Variants in LIMCH1 observed in about 807,000 individuals in gnomAD.
LIMCH1 encodes the protein LIM and calponin homology domains-containing protein 1.
LIMCH1 carries 113 observed loss-of-function variants against 176.5 expected under a neutral mutation model. The ratio of observed to expected loss-of-function variants is 0.64; its 90% confidence interval spans 0.55 to 0.75. The LOEUF is 0.75. LIMCH1 is among the 30% of genes least tolerant of loss of function. The probability of loss-of-function intolerance (pLI) is 0.00; values close to 1 mark genes in which losing one functional copy is unlikely to be tolerated. For synonymous variants in LIMCH1, 619 were observed against 645.9 expected (o/e 0.96, Z 0.63); for missense variants, 1,674 against 1,814.9 (o/e 0.92, Z 1.41).
intron 5 of LIMCH1, among the ~76,000 whole-genome samples, chr4:41,616,188 T>C (rs894461508): frequency 9.9e-5 from 15 of 151,932 alleles, no homozygotes; most frequent in African/African-American, 3.4e-4. Context: ...GGGAAACAAG[T>C]AATGAGAGAA....
intron 3 of LIMCH1, among the ~76,000 whole-genome samples, chr4:41,525,464 A>C (rs563778929): frequency 8.5e-5 from 13 of 152,174 alleles, no homozygotes; most frequent in Admixed American, 2.0e-4. Flanking sequence ...ACAAAAAACC[A>C]ATTGTGTTTG....
chr4:41,464,830 G>A (rs1219252887), intron 1 of LIMCH1, among the ~76,000 whole-genome samples: 1 of 152,138 alleles, frequency 6.6e-6, no homozygotes, highest in Admixed American at 6.5e-5. Flanking sequence ...CAAACCTTGC[G>A]CTTCTTGTGT....
intron 1 of LIMCH1, among the ~76,000 whole-genome samples, chr4:41,375,886 C>A (rs1453041): frequency 0.37 from 56,918 of 152,114 alleles, 11,572 homozygotes; most frequent in African/African-American, 0.54. Context: ...TTTGCTAATT[C>A]TTGGGCAGAT....
At chr4:41,693,212 T>C (rs1443074774) in intron 31 of LIMCH1, 1 of 152,334 alleles carries the variant, frequency 6.6e-6, no homozygotes, top group East Asian at 1.9e-4. Context: ...GAAACTCTTT[T>C]AAAAAATTGG....
intron 1 of LIMCH1, among the ~76,000 whole-genome samples, chr4:41,382,744 T>C (rs2055881413): frequency 6.6e-6 from 1 of 152,160 alleles, no homozygotes; most frequent in South Asian, 2.1e-4. Flanking sequence ...CTCAGGGAAG[T>C]CTTTTTGGTA....
intron 1 of LIMCH1, among the ~76,000 whole-genome samples, chr4:41,434,215 G>C (rs2061854901): frequency 6.6e-6 from 1 of 152,200 alleles, no homozygotes; most frequent in Non-Finnish European, 1.5e-5. Context: ...CTTAGGCTAG[G>C]AACTGGGTGG....
chr4:41,427,878 T>C (rs563014361), intron 1 of LIMCH1, among the ~76,000 whole-genome samples: 1 of 152,020 alleles, frequency 6.6e-6, no homozygotes, highest in African/African-American at 2.4e-5. Context: ...TACCACATTG[T>C]CTAGTCCTTA....
intron 1 of LIMCH1, among the ~76,000 whole-genome samples, chr4:41,383,890 G>A (rs1458828172): frequency 6.6e-6 from 1 of 152,190 alleles, no homozygotes; most frequent in Non-Finnish European, 1.5e-5. Flanking sequence ...GAGAAACTGA[G>A]ATAGGGAAGT....
chr4:41,693,840 A>G (rs918366663), intron 31 of LIMCH1, among the ~76,000 whole-genome samples: 1 of 152,174 alleles, frequency 6.6e-6, no homozygotes, highest in African/African-American at 2.4e-5. Context: ...GCTCAGAAAG[A>G]TTTGAAAAGT....
chr4:41,626,788 A>G lies in LIMCH1; in HGVS notation c.806A>G (p.His269Arg). 3 of 1,536,408 alleles carry G rather than the reference A, an allele frequency of 2.0e-6. No homozygotes were observed. Among genetic ancestry groups the G allele is most frequent in the South Asian group, 1.2e-5 (1 of 84,064 alleles). ...GAAAACTCTTTCCTGACCCACCAAC[A>G]TGGCAACGATTCAGAGGCAGAAGGT... ...RKENSFLTHQHGNDSEAEGEV... is the reference protein window; with the variant it reads ...RKENSFLTHQRGNDSEAEGEV... Residue 269 changes from histidine (H) to arginine (R), a missense_variant, in exon 8 of 32, where the codon CAT (histidine) becomes CGT (arginine). Around this residue, in one of 3 missense-constraint regions of LIMCH1, gnomAD observed 655 missense variants for 692.2 expected, o/e 0.95. Transcript: ENST00000503057.
At chr4:41,533,271 A>G (rs2077519384), upstream of LIMCH1, among the ~76,000 whole-genome samples, 1 of 152,196 alleles carries the variant, frequency 6.6e-6, no homozygotes, top group Non-Finnish European at 1.5e-5. Context: ...GCCTTATTCT[A>G]TTAATTAAAA....
chr4:41,371,482 C>T (rs1372547321), intron 1 of LIMCH1, among the ~76,000 whole-genome samples: 1 of 152,086 alleles, frequency 6.6e-6, no homozygotes, highest in Non-Finnish European at 1.5e-5. Context: ...AACCTGACTC[C>T]CCCACTGGAT....
rs181033451 is a variant in LIMCH1 at position 41,699,352 on chromosome 4, C to T, written c.*2167C>T. On this transcript the variant is annotated 3_prime_UTR_variant, in exon 32 of 32. Coordinates refer to ENST00000503057, the MANE Select transcript of LIMCH1 (RefSeq NM_001330672.2). ...AGAAAAATAAAGCCCCATTCTCCAA[C>T]TGCAAAATGTGCTTTCCCATAATGA... 6 of 152,280 alleles carry T rather than the reference C, an allele frequency of 3.9e-5. No individual in the cohort carries two copies. Among genetic ancestry groups the T allele is most frequent in the Admixed American group, 3.9e-4 (6 of 15,298 alleles). 9.4% of individuals were successfully genotyped at this position (152,280 alleles called of 1,614,324 possible).
Position 41,650,455 on chromosome 4 carries a change from G to T in LIMCH1, c.2883G>T (p.Glu961Asp), listed in dbSNP as rs914086930. The change falls in exon 18 of 32, where the codon GAG becomes GAT. Residue 961 changes from glutamate (E) to aspartate (D), a missense_variant. This residue lies in a region of LIMCH1 where 1,015 missense variants were observed against 1,102.5 expected (regional missense o/e 0.92). Transcript: ENST00000503057. ...ATAGAGAGGAGGAGAAGGAAAGAGAGTGTCCCACGGTGGCACCTGCCCACT... is the reference window on the plus strand; with the variant it reads ...ATAGAGAGGAGGAGAAGGAAAGAGATTGTCCCACGGTGGCACCTGCCCACT... The part of the protein sequence containing the change: ...TVHREEEKER[E>D]CPTVAPAHSL... 1.2e-6 allele frequency: 2 copies of T among 1,613,088 alleles called. No individual in the cohort carries two copies. Among genetic ancestry groups the T allele is most frequent in the Non-Finnish European group, 1.7e-6 (2 of 1,179,056 alleles).
Position 41,400,704 on chromosome 4 carries a change from G to A in LIMCH1, c.96+39768G>A, listed in dbSNP as rs73146285. Among the ~76,000 whole-genome samples, 240 of 152,180 alleles carry A rather than the reference G, an allele frequency of 1.6e-3. 2 individuals carry two copies. The highest frequency in any genetic ancestry group is 5.3e-3 in the African/African-American group (219 of 41,526). ...CTAGATAGATCTTAAAATAGATATC[G>A]ATATAAAACAAACTGGAAGGTACAG... On this transcript the variant is annotated intron_variant, in intron 1 of 26. Coordinates refer to the LIMCH1 transcript ENST00000313860.
chr4:41,596,875 A>G (rs933225046), intron 1 of LIMCH1, among the ~76,000 whole-genome samples: 7 of 152,188 alleles, frequency 4.6e-5, no homozygotes, highest in Non-Finnish European at 8.8e-5. Context: ...GCCTGCTGAA[A>G]AAAGACCTAG....
At chr4:41,670,966 G>C in intron 21 of LIMCH1, 4 of 982,700 alleles carry the variant, frequency 4.1e-6, no homozygotes, top group Non-Finnish European at 4.8e-6. Context: ...TAAAATTGGG[G>C]GTAGGAGGAG....
At chr4:41,503,975 CT>C (rs1182169775) in intron 2 of LIMCH1, among the ~76,000 whole-genome samples, 1 of 152,214 alleles carries the variant, frequency 6.6e-6, no homozygotes, top group Non-Finnish European at 1.5e-5. Context: ...AGAGAGACCT[CT>C]CTCCCAATGA....
At chr4:41,368,751 A>T (rs1001100611) in intron 1 of LIMCH1, among the ~76,000 whole-genome samples, 1 of 152,182 alleles carries the variant, frequency 6.6e-6, no homozygotes, top group Non-Finnish European at 1.5e-5. Flanking sequence ...CTGCCTCGGA[A>T]GTTCTTGAAT....
Sources: gnomAD v4.1 joint callset for allele counts (sites outside exome capture counted in the v4.1 genomes callset) on GRCh38, gnomAD v4.1.1 for gene constraint, gnomAD v4.1.1 regional missense constraint, MANE v1.5 for transcripts, NCBI Gene and HGNC (gene_info 2026-07-23, HGNC 2026-07-21) for gene names.